KLF12: variants seen among roughly 807,000 people sequenced by gnomAD.
KLF12 encodes the protein Krueppel-like factor 12.
Under a neutral mutation model 37.8 loss-of-function variants are expected in KLF12, and 9 were observed. The ratio of observed to expected loss-of-function variants is 0.24; its 90% CI spans 0.14 to 0.42. The LOEUF is 0.42. Among genes scored for constraint, KLF12 ranks in the 10% least tolerant of loss-of-function variants. The pLI is 1.00. For missense variants in KLF12, 411 were observed against 516.0 expected (o/e 0.80, Z 1.97); for synonymous variants, 208 against 202.1 (o/e 1.03, Z -0.25).
chr13:73,820,084 G>A (rs1883440612), intron 4 of KLF12, among the ~76,000 whole-genome samples: 1 of 152,050 alleles, frequency 6.6e-6, no homozygotes, highest in Non-Finnish European at 1.5e-5. Flanking sequence ...GCCATTGGAG[G>A]GTACTGAGCA....
At chr13:74,294,790 C>G in the KLF12 span, among the ~76,000 whole-genome samples, 37 of 152,276 alleles carry the variant, frequency 2.4e-4, no homozygotes, top group East Asian at 6.6e-3. Context: ...TCCCCACAGG[C>G]GCTGCCTCAG....
intron 5 of KLF12, among the ~76,000 whole-genome samples, chr13:73,777,297 G>C (rs907566931): frequency 6.6e-6 from 1 of 152,152 alleles, no homozygotes; most frequent in African/African-American, 2.4e-5. Flanking sequence ...CATGCTAAGG[G>C]GGTACATCCC....
At chr13:73,916,360 A>G (rs1319765360) in intron 3 of KLF12, among the ~76,000 whole-genome samples, 1 of 152,184 alleles carries the variant, frequency 6.6e-6, no homozygotes, top group Non-Finnish European at 1.5e-5. Flanking sequence ...GCTTTATTGA[A>G]TTCCAGAACT....
chr13:74,230,046 C>T, the KLF12 span, among the ~76,000 whole-genome samples: 5 of 152,134 alleles, frequency 3.3e-5, no homozygotes, highest in Admixed American at 2.6e-4. Flanking sequence ...GAGATGATAA[C>T]ACATGATATG....
intron 3 of KLF12, among the ~76,000 whole-genome samples, chr13:73,860,406 G>C (rs752536138): frequency 6.6e-6 from 1 of 152,100 alleles, no homozygotes; most frequent in African/African-American, 2.4e-5. Context: ...TAAAGCTCCA[G>C]TTGCTCCCCA....
At chr13:74,190,395 A>G in the KLF12 span, among the ~76,000 whole-genome samples, 1 of 152,230 alleles carries the variant, frequency 6.6e-6, no homozygotes, top group Admixed American at 6.5e-5. Context: ...CTTCTTCTAC[A>G]GCTTACACTA....
At chr13:74,208,090 T>C in the KLF12 span, among the ~76,000 whole-genome samples, 1 of 152,194 alleles carries the variant, frequency 6.6e-6, no homozygotes, top group Non-Finnish European at 1.5e-5. Flanking sequence ...AAGAAGTTAA[T>C]TCTATTTTTG....
At chr13:73,808,492 T>C (rs920087358) in intron 5 of KLF12, among the ~76,000 whole-genome samples, 4 of 152,196 alleles carry the variant, frequency 2.6e-5, no homozygotes, top group Non-Finnish European at 5.9e-5. Flanking sequence ...TTCAGATTGC[T>C]GTTGTAGCCA....
chr13:73,788,392 T>C (rs557055385), intron 5 of KLF12, among the ~76,000 whole-genome samples: 3 of 152,338 alleles, frequency 2.0e-5, no homozygotes, highest in African/African-American at 7.2e-5. Flanking sequence ...GATAATATTT[T>C]TGTCATTCAG....
intron 2 of KLF12, among the ~76,000 whole-genome samples, chr13:73,984,299 C>CA (rs912149282): frequency 2.4e-4 from 36 of 152,340 alleles, no homozygotes; most frequent in African/African-American, 8.2e-4. Flanking sequence ...GCATGCATCT[C>CA]ACACTGGGAA....
chr13:74,245,392 G>A, the KLF12 span, among the ~76,000 whole-genome samples: 1 of 151,896 alleles, frequency 6.6e-6, no homozygotes, highest in Non-Finnish European at 1.5e-5. Flanking sequence ...TAAAGCTATG[G>A]GAGTAGATGA....
chr13:73,999,323 T>C (rs537525707), intron 1 of KLF12, among the ~76,000 whole-genome samples: 43 of 152,280 alleles, frequency 2.8e-4, no homozygotes, highest in Non-Finnish European at 3.4e-4. Context: ...CACAAGGCCA[T>C]CATAGTAAAG....
At chr13:74,207,378 T>C in the KLF12 span, among the ~76,000 whole-genome samples, 1 of 152,088 alleles carries the variant, frequency 6.6e-6, no homozygotes, top group Non-Finnish European at 1.5e-5. Flanking sequence ...AGGACAGGAA[T>C]AAAAAGTTTC....
the KLF12 span, among the ~76,000 whole-genome samples, chr13:74,182,164 C>G: frequency 1.3e-5 from 2 of 152,182 alleles, no homozygotes; most frequent in African/African-American, 4.8e-5. Context: ...TTTTTTAATA[C>G]TATTCTTCCT....
chr13:73,991,902 T>C (rs972395443), intron 2 of KLF12, among the ~76,000 whole-genome samples: 1 of 152,222 alleles, frequency 6.6e-6, no homozygotes, highest in Non-Finnish European at 1.5e-5. Context: ...AACCACAAGC[T>C]ACACAACCAT....
the KLF12 span, among the ~76,000 whole-genome samples, chr13:74,269,793 G>C: frequency 6.6e-6 from 1 of 152,168 alleles, no homozygotes; most frequent in African/African-American, 2.4e-5. Context: ...TCATGAGCTA[G>C]TGTGTGTGCG....
the KLF12 span, among the ~76,000 whole-genome samples, chr13:74,209,068 G>C: frequency 1.3e-5 from 2 of 151,720 alleles, no homozygotes; most frequent in African/African-American, 4.8e-5. Context: ...TGGCATTACA[G>C]AAATATTAAA....
chr13:73,822,444 T>C (rs1268589218), intron 4 of KLF12, among the ~76,000 whole-genome samples: 1 of 152,182 alleles, frequency 6.6e-6, no homozygotes, highest in Non-Finnish European at 1.5e-5. Flanking sequence ...TTCATCCTAG[T>C]TTAGGCTGGG....
At chr13:74,181,098 A>G in the KLF12 span, among the ~76,000 whole-genome samples, 2 of 151,974 alleles carry the variant, frequency 1.3e-5, no homozygotes, top group Non-Finnish European at 2.9e-5. Flanking sequence ...TCCCAGGTTC[A>G]AGCAATTCTC....
Sources: allele counts gnomAD v4.1 joint callset (sites outside exome capture counted in the v4.1 genomes callset), GRCh38; gene constraint gnomAD v4.1.1; transcripts MANE v1.5; gene names NCBI Gene and HGNC (gene_info 2026-07-23, HGNC 2026-07-21).